Variants in ASPH observed in about 807,000 individuals in gnomAD.
The protein encoded by ASPH is aspartate beta-hydroxylase.
In ASPH, 100 loss-of-function variants were observed where a neutral mutation model predicts 118.4. The observed-to-expected ratio is 0.84, with a 90% CI of 0.72 to 1.00. The LOEUF (loss-of-function observed/expected upper bound fraction) is 1.00. ASPH is among the 50% of genes least tolerant of loss of function. The probability of loss-of-function intolerance (pLI) is 0.00; values close to 1 mark genes in which losing one functional copy is unlikely to be tolerated. For missense variants in ASPH, 920 were observed against 919.5 expected (o/e 1.00, Z -0.01); for synonymous variants, 315 against 325.6 (o/e 0.97, Z 0.35).
At chr8:61,538,858 C>T (rs1206244991) in intron 21 of ASPH, among the ~76,000 whole-genome samples, 1 of 152,212 alleles carries the variant, frequency 6.6e-6, no homozygotes, top group Non-Finnish European at 1.5e-5. Context: ...TATATCCAAG[C>T]AGCTGCGCTG....
chr8:61,663,369 T>C (rs1445972438), intron 3 of ASPH: 1 of 985,310 alleles, frequency 1.0e-6, no homozygotes, highest in Admixed American at 6.1e-5. Flanking sequence ...ACTGGAATTA[T>C]CTCTCCCAGA....
intron 1 of ASPH, chr8:61,689,743 A>C (rs1832065065): frequency 1.3e-6 from 2 of 1,543,972 alleles, no homozygotes; most frequent in Admixed American, 2.1e-5. Flanking sequence ...AAACAAAAAA[A>C]AAAACTCAAA....
chr8:61,682,147 T>C (rs1432144782), intron 2 of ASPH, among the ~76,000 whole-genome samples: 3 of 152,038 alleles, frequency 2.0e-5, no homozygotes, highest in Non-Finnish European at 2.9e-5. Context: ...ACTTGCTATA[T>C]AGAAGTCTGA....
At chr8:61,648,168 T>C (rs1218692073) in intron 5 of ASPH, among the ~76,000 whole-genome samples, 2 of 152,234 alleles carry the variant, frequency 1.3e-5, no homozygotes, top group Non-Finnish European at 1.5e-5. Context: ...AACATTGTTA[T>C]GAAGATTAAA....
intron 1 of ASPH, among the ~76,000 whole-genome samples, chr8:61,711,135 A>C (rs1837966648): frequency 6.6e-6 from 1 of 152,166 alleles, no homozygotes; most frequent in Non-Finnish European, 1.5e-5. Context: ...TAAAAGGGGG[A>C]TATATTCTAC....
At chr8:61,622,009 T>G (rs768510406) in intron 13 of ASPH, among the ~76,000 whole-genome samples, 1 of 152,254 alleles carries the variant, frequency 6.6e-6, no homozygotes, top group Non-Finnish European at 1.5e-5. Context: ...AATATTGTCA[T>G]GCAACCACTA....
At chr8:61,603,926 T>C (rs1231958500) in intron 14 of ASPH, among the ~76,000 whole-genome samples, 2 of 152,226 alleles carry the variant, frequency 1.3e-5, no homozygotes, top group African/African-American at 4.8e-5. Flanking sequence ...TGGAATGAGG[T>C]AGACAGCGAA....
At position 61,500,652 on chromosome 8, in the gene ASPH, C is replaced by CAT. The variant is rs1804678971; in HGVS notation, c.*2705_*2706dup. The CAT allele has an allele frequency of 6.6e-6, 1 of 152,194 alleles. No homozygotes were observed. Among genetic ancestry groups the CAT allele is most frequent in the African/African-American group, 2.4e-5 (1 of 41,532 alleles). The allele number at this position is 152,194 out of a possible 1,614,324, so 9.4% of individuals were successfully genotyped here. ...AATCAGACATAAAATAAACAGACATCATATATGATATCCTTACTTGTGCCA... is the reference window on the plus strand; with the variant it reads ...AATCAGACATAAAATAAACAGACATCATATATATGATATCCTTACTTGTGCCA... On this transcript the variant is annotated 3_prime_UTR_variant, in exon 25 of 25. Transcript: ENST00000379454.
intron 21 of ASPH, among the ~76,000 whole-genome samples, chr8:61,547,520 G>A (rs1205941336): frequency 6.6e-6 from 1 of 152,116 alleles, no homozygotes; most frequent in African/African-American, 2.4e-5. Context: ...TTTTCCAGAA[G>A]CTACATGAGG....
At chr8:61,534,488 A>AT in intron 21 of ASPH, among the ~76,000 whole-genome samples, 1 of 152,306 alleles carries the variant, frequency 6.6e-6, no homozygotes. Flanking sequence ...TAAAAAAAAA[A>AT]GTATCAGCAT....
intron 1 of ASPH, among the ~76,000 whole-genome samples, chr8:61,709,395 G>A (rs1837528262): frequency 6.6e-6 from 1 of 152,156 alleles, no homozygotes; most frequent in Admixed American, 6.6e-5. Flanking sequence ...GGTACACAGG[G>A]AAGAAAAGAA....
chr8:61,662,143 T>C (rs939440156), intron 3 of ASPH, among the ~76,000 whole-genome samples: 17 of 152,050 alleles, frequency 1.1e-4, no homozygotes, highest in Middle Eastern at 3.2e-3. Context: ...CCTGGAAAAA[T>C]TGATTAGCAC....
At chr8:61,657,431 T>C (rs1814311321) in intron 3 of ASPH, 1 of 152,212 alleles carries the variant, frequency 6.6e-6, no homozygotes, top group African/African-American at 2.4e-5. Context: ...TGCAACATCC[T>C]ATTGTTCCCA....
At chr8:61,642,197 C>G (rs1805456098) in intron 10 of ASPH, among the ~76,000 whole-genome samples, 1 of 152,206 alleles carries the variant, frequency 6.6e-6, no homozygotes, top group African/African-American at 2.4e-5. Context: ...GCTTCTTAAC[C>G]TTCCCCAAGG....
intron 1 of ASPH, chr8:61,687,775 G>C (rs1002597359): frequency 6.6e-6 from 1 of 152,116 alleles, no homozygotes; most frequent in African/African-American, 2.4e-5. Context: ...GTAGTAAAGA[G>C]ATTTATCACT....
At chr8:61,556,048 TAACTC>T (rs1321167642) in intron 18 of ASPH, 26 bp from the exon 19 acceptor site, 2 of 1,598,430 alleles carry the variant, frequency 1.3e-6, no homozygotes, top group Non-Finnish European at 1.7e-6. Context: ...ACACAGAACA[TAACTC>T]AAAGAAAACA....
chr8:61,608,090 C>T (rs1333155612), intron 14 of ASPH, among the ~76,000 whole-genome samples: 1 of 152,154 alleles, frequency 6.6e-6, no homozygotes, highest in Non-Finnish European at 1.5e-5. Flanking sequence ...CACCTTTCTT[C>T]TAGCACTTGC....
At chr8:61,591,426 T>C (rs929708360) in intron 14 of ASPH, among the ~76,000 whole-genome samples, 2 of 150,094 alleles carry the variant, frequency 1.3e-5, no homozygotes, top group African/African-American at 2.4e-5. Flanking sequence ...ACTTGTACCA[T>C]AATCCCCACT....
chr8:61,612,547 T>C, intron 14 of ASPH, among the ~76,000 whole-genome samples: 1 of 152,194 alleles, frequency 6.6e-6, no homozygotes, highest in South Asian at 2.1e-4. Context: ...AATTTTTGTA[T>C]TTTTAGTAGA....
Sources: allele counts gnomAD v4.1 joint callset (sites outside exome capture counted in the v4.1 genomes callset), GRCh38; gene constraint gnomAD v4.1.1; transcripts MANE v1.5; gene names NCBI Gene and HGNC (gene_info 2026-07-23, HGNC 2026-07-21).